The following THSD7A variants were observed in gnomAD, a reference collection of about 807,000 sequenced individuals.
THSD7A encodes the protein thrombospondin type 1 domain containing 7A, also known as thrombospondin type-1 domain-containing protein 7A.
THSD7A carries 96 observed loss-of-function variants against 231.3 expected under a neutral mutation model. The observed-to-expected ratio is 0.41, with a 90% CI of 0.35 to 0.49. The LOEUF is 0.49. Ranked by LOEUF, THSD7A falls within the 20% of genes least tolerant of loss-of-function variation. The pLI, the probability that THSD7A is intolerant of heterozygous loss-of-function variation, is 0.05. For synonymous variants in THSD7A, 940 were observed against 743.3 expected, an observed-to-expected ratio of 1.26 and a Z score of -4.30; for missense variants, 2,290 against 2,070.2, an observed-to-expected ratio of 1.11 and a Z score of -2.06.
At position 11,411,176 on chromosome 7, in the gene THSD7A, C is replaced by T; in HGVS notation, c.3798+31G>A. On this transcript the variant is annotated intron_variant, in intron 19 of 27. Transcript: ENST00000423059. The surrounding 1 kb of genome is among the most constrained non-coding windows in gnomAD (Gnocchi z 4.1). The stretch of plus-strand genomic sequence containing the variant: ...ATTGAAATTATTAGGGAAGAATTTA[C>T]TCGCGAAGATATAACACAGCATCCA... 1 of 1,533,144 alleles carries T rather than the reference C, an allele frequency of 6.5e-7. No individual in the cohort carries two copies. Among genetic ancestry groups the T allele is most frequent in the Non-Finnish European group, 9.0e-7 (1 of 1,109,906 alleles). 95.0% of individuals were successfully genotyped at this position (1,533,144 alleles called of 1,614,324 possible).
chr7:11,769,120 GCA>G (rs1292185457), intron 1 of THSD7A, among the ~76,000 whole-genome samples: 1 of 57,976 alleles, frequency 1.7e-5, no homozygotes. Flanking sequence ...ATAATTCCTG[GCA>G]ATATATATAT....
chr7:11,620,949 G>A (rs530605243), intron 2 of THSD7A, among the ~76,000 whole-genome samples: 7 of 152,206 alleles, frequency 4.6e-5, no homozygotes, highest in South Asian at 4.1e-4. Context: ...TCAGCTTCAC[G>A]TGTTCCTCTG....
chr7:11,609,636 G>C (rs1330773068), intron 2 of THSD7A, among the ~76,000 whole-genome samples: 1 of 152,110 alleles, frequency 6.6e-6, no homozygotes, highest in African/African-American at 2.4e-5. Context: ...CTGAAGCAGG[G>C]TTTAGGTGAA....
At chr7:11,779,857 A>C (rs1783567298) in intron 1 of THSD7A, among the ~76,000 whole-genome samples, 1 of 152,220 alleles carries the variant, frequency 6.6e-6, no homozygotes, top group Admixed American at 6.5e-5. Flanking sequence ...AATGTTGGCT[A>C]ATTGTAGTAA....
chr7:11,415,463 C>T (rs1316377766), intron 17 of THSD7A, among the ~76,000 whole-genome samples: 1 of 152,146 alleles, frequency 6.6e-6, no homozygotes, highest in Non-Finnish European at 1.5e-5. Flanking sequence ...AGTCTGATTC[C>T]ACACTGATGC....
intron 1 of THSD7A, among the ~76,000 whole-genome samples, chr7:11,644,734 T>A (rs925735375): frequency 3.3e-5 from 5 of 151,978 alleles, no homozygotes; most frequent in African/African-American, 1.2e-4. Context: ...AATAATCTAT[T>A]TTTAGGATCT....
intron 1 of THSD7A, among the ~76,000 whole-genome samples, chr7:11,652,612 T>C (rs371615957): frequency 6.6e-6 from 1 of 152,000 alleles, no homozygotes; most frequent in Admixed American, 6.6e-5. Flanking sequence ...TATTCTTTAA[T>C]GTATCAAAAT....
chr7:11,500,526 T>G (rs1428546156), intron 6 of THSD7A, among the ~76,000 whole-genome samples: 2 of 151,924 alleles, frequency 1.3e-5, no homozygotes, highest in Non-Finnish European at 2.9e-5. Context: ...AGTGGCAAGC[T>G]GGATAAAAAA....
At chr7:11,815,439 T>C (rs890630545) in intron 1 of THSD7A, among the ~76,000 whole-genome samples, 1 of 152,142 alleles carries the variant, frequency 6.6e-6, no homozygotes, top group African/African-American at 2.4e-5. Context: ...TCATCAGGGA[T>C]GAGTTCTATA....
intron 16 of THSD7A, among the ~76,000 whole-genome samples, chr7:11,423,517 C>T (rs1262159174): frequency 4.0e-5 from 6 of 151,798 alleles, no homozygotes; most frequent in Non-Finnish European, 8.8e-5. Context: ...TACAGGTGCC[C>T]GCCGCCACGC....
intron 1 of THSD7A, among the ~76,000 whole-genome samples, chr7:11,812,238 G>C (rs1299929310): frequency 1.3e-5 from 2 of 151,716 alleles, no homozygotes; most frequent in Non-Finnish European, 2.9e-5. Flanking sequence ...AAGTTTTGTT[G>C]TGTGGTGTTC....
chr7:11,725,517 C>T (rs530511663), intron 1 of THSD7A, among the ~76,000 whole-genome samples: 4 of 151,872 alleles, frequency 2.6e-5, no homozygotes, highest in Non-Finnish European at 4.4e-5. Flanking sequence ...TTGCCATTAA[C>T]GTAGATCCAG....
intron 1 of THSD7A, among the ~76,000 whole-genome samples, chr7:11,713,683 C>T (rs1361622192): frequency 4.0e-5 from 6 of 151,142 alleles, no homozygotes; most frequent in Non-Finnish European, 7.4e-5. Context: ...ATTAAAGAAG[C>T]CAGATGATCA....
At chr7:11,782,271 C>A (rs1783655327) in intron 1 of THSD7A, among the ~76,000 whole-genome samples, 2 of 152,084 alleles carry the variant, frequency 1.3e-5, no homozygotes, top group Admixed American at 1.3e-4. Context: ...GGCCATCTGC[C>A]ATAGTTATAA....
chr7:11,574,702 C>A (rs1177218008), intron 4 of THSD7A, among the ~76,000 whole-genome samples: 1 of 151,880 alleles, frequency 6.6e-6, no homozygotes, highest in Admixed American at 6.6e-5. Context: ...TCCCAAAGTG[C>A]TGGGATTACA....
chr7:11,519,719 T>A (rs1213696374), intron 6 of THSD7A, among the ~76,000 whole-genome samples: 1 of 152,232 alleles, frequency 6.6e-6, no homozygotes, highest in African/African-American at 2.4e-5. Flanking sequence ...TCGATTATCC[T>A]GCACTTCTGA....
At chr7:11,506,280 G>T (rs1024091602) in intron 6 of THSD7A, among the ~76,000 whole-genome samples, 3 of 152,108 alleles carry the variant, frequency 2.0e-5, no homozygotes. Context: ...AGTGAGCCGC[G>T]CTGGGCCTGA....
intron 7 of THSD7A, among the ~76,000 whole-genome samples, chr7:11,479,972 T>C (rs1261078149): frequency 2.0e-5 from 3 of 152,208 alleles, no homozygotes; most frequent in Non-Finnish European, 4.4e-5. Flanking sequence ...ATAGATATGC[T>C]AATTATCTTG....
chr7:11,815,083 C>CAAAA (rs71027433), intron 1 of THSD7A, among the ~76,000 whole-genome samples: 3 of 147,354 alleles, frequency 2.0e-5, no homozygotes, highest in African/African-American at 2.5e-5. Context: ...CCCTAAAACT[C>CAAAA]AAAAAAAAAA....
Sources: gnomAD v4.1 joint callset for allele counts (sites outside exome capture counted in the v4.1 genomes callset) on GRCh38, gnomAD v4.1.1 for gene constraint, Gnocchi (gnomAD v3.1) non-coding constraint, MANE v1.5 for transcripts, NCBI Gene and HGNC (gene_info 2026-07-23, HGNC 2026-07-21) for gene names.